The following SUCO variants were observed in gnomAD, a reference collection of about 807,000 sequenced individuals.
SUCO encodes the protein SUN domain containing ossification factor, also known as SUN domain-containing ossification factor.
SUCO carries 57 observed loss-of-function variants against 148.1 expected under a neutral mutation model. The ratio of observed to expected loss-of-function variants is 0.38; its 90% CI spans 0.31 to 0.48. The LOEUF (loss-of-function observed/expected upper bound fraction) is 0.48. Ranked by LOEUF, SUCO falls within the 20% of genes least tolerant of loss-of-function variation. SUCO has a pLI of 0.96. For missense variants in SUCO, 1,331 were observed against 1,468.2 expected (o/e 0.91, Z 1.53); for synonymous variants, 470 against 502.7 (o/e 0.93, Z 0.87).
At chr1:172,542,788 C>T (rs1003254004) in intron 1 of SUCO, 2 of 985,206 alleles carry the variant, frequency 2.0e-6, no homozygotes, top group Non-Finnish European at 2.4e-6. Flanking sequence ...AGGTGCCAAG[C>T]ATAGTAAAGC....
chr1:172,568,851 CT>C (rs1654743530), intron 6 of SUCO, among the ~76,000 whole-genome samples, 167 bp from the exon 7 acceptor site: 1 of 152,066 alleles, frequency 6.6e-6, no homozygotes, highest in Admixed American at 6.5e-5. Context: ...AGAAATTCAA[CT>C]TTTAAGTAAA....
intron 6 of SUCO, among the ~76,000 whole-genome samples, chr1:172,565,621 T>C (rs1654495280): frequency 6.6e-6 from 1 of 152,174 alleles, no homozygotes; most frequent in African/African-American, 2.4e-5. Flanking sequence ...CATGACTGAG[T>C]TGAGGTCACA....
intron 4 of SUCO, chr1:172,556,492 T>A (rs1056086310): frequency 2.1e-6 from 1 of 479,172 alleles, no homozygotes; most frequent in African/African-American, 2.1e-5. Context: ...TTAGAAAATT[T>A]GTTATGTACT....
intron 15 of SUCO, 59 bp downstream of exon 15, chr1:172,579,326 AC>A (rs1273960418): frequency 6.6e-6 from 7 of 1,066,674 alleles, no homozygotes; most frequent in Non-Finnish European, 8.6e-6. Flanking sequence ...ACACACACAG[AC>A]ATTTTGTCAT....
intron 6 of SUCO, among the ~76,000 whole-genome samples, chr1:172,558,347 T>A (rs1653894152): frequency 6.6e-6 from 1 of 152,224 alleles, no homozygotes; most frequent in Non-Finnish European, 1.5e-5. Context: ...CTACCTTGAC[T>A]TCATGCACTG....
intron 1 of SUCO, among the ~76,000 whole-genome samples, chr1:172,539,122 TCAA>T (rs1652248150): frequency 6.6e-6 from 1 of 152,182 alleles, no homozygotes; most frequent in East Asian, 1.9e-4. Context: ...TTCACTTTTC[TCAA>T]CAGTCTGAAT....
intron 1 of SUCO, chr1:172,542,658 C>G: frequency 1.2e-6 from 1 of 856,064 alleles, no homozygotes; most frequent in Non-Finnish European, 1.4e-6. Flanking sequence ...CCCCCCACCC[C>G]ATCCATGGCA....
chr1:172,557,477 T>C, intron 5 of SUCO, 60 bp downstream of exon 5: 1 of 1,596,910 alleles, frequency 6.3e-7, no homozygotes, highest in African/African-American at 1.3e-5. Flanking sequence ...GTGTCCTGTT[T>C]GAATGGACTT....
At chr1:172,533,050 G>T (rs1571159319), upstream of SUCO, 47 of 1,431,280 alleles carry the variant, frequency 3.3e-5, no homozygotes, top group South Asian at 6.9e-4. Flanking sequence ...GGTGTGTGAG[G>T]TGTCGCGGCC....
chr1:172,566,008 A>C (rs1175329321), intron 6 of SUCO, among the ~76,000 whole-genome samples: 2 of 152,200 alleles, frequency 1.3e-5, no homozygotes, highest in African/African-American at 2.4e-5. Context: ...AGGTTCCCTC[A>C]TCTAGAGTGG....
At chr1:172,547,441 A>T (rs952357686) in intron 1 of SUCO, among the ~76,000 whole-genome samples, 5 of 152,208 alleles carry the variant, frequency 3.3e-5, no homozygotes, top group Non-Finnish European at 7.3e-5. Flanking sequence ...CGGATATTAT[A>T]TGCTTTTCGA....
chr1:172,599,228 C>T (rs1232341806), intron 19 of SUCO, among the ~76,000 whole-genome samples: 1 of 152,128 alleles, frequency 6.6e-6, no homozygotes. Context: ...ACTCGGGAGG[C>T]TGAGGCAGGA....
intron 1 of SUCO, among the ~76,000 whole-genome samples, chr1:172,537,396 A>G (rs1010252622): frequency 1.3e-5 from 2 of 152,160 alleles, no homozygotes; most frequent in Non-Finnish European, 2.9e-5. Flanking sequence ...ATAGAAGAGG[A>G]ATAGCTTCAA....
chr1:172,533,102 G>A, upstream of SUCO: 1 of 1,429,154 alleles, frequency 7.0e-7, no homozygotes. Context: ...CGCGGCGGCC[G>A]TTGGTCGCTG....
intron 1 of SUCO, among the ~76,000 whole-genome samples, chr1:172,538,306 C>T: frequency 6.6e-6 from 1 of 151,936 alleles, no homozygotes; most frequent in East Asian, 1.9e-4. Context: ...TATGTCAGAC[C>T]AGTTTTTATC....
chr1:172,584,278 A>G, intron 15 of SUCO: 2 of 370,536 alleles, frequency 5.4e-6, no homozygotes, highest in Non-Finnish European at 7.5e-6. Flanking sequence ...ATGTAGGAAA[A>G]GCATTTGCTT....
At chr1:172,591,500 A>T (rs892178332) in intron 19 of SUCO, among the ~76,000 whole-genome samples, 2 of 136,556 alleles carry the variant, frequency 1.5e-5, no homozygotes, top group African/African-American at 5.5e-5. Flanking sequence ...TCATTGTTCA[A>T]TTCCCACCTA....
chr1:172,549,279 A>AT (rs1401147618), intron 1 of SUCO, among the ~76,000 whole-genome samples: 1 of 151,850 alleles, frequency 6.6e-6, no homozygotes, highest in Non-Finnish European at 1.5e-5. Flanking sequence ...AAAACAATTC[A>AT]TTTGAAAGTG....
At chr1:172,582,848 T>C (rs147909765) in intron 15 of SUCO, among the ~76,000 whole-genome samples, 163 of 152,256 alleles carry the variant, frequency 1.1e-3, no homozygotes, top group African/African-American at 3.7e-3. Flanking sequence ...TGATAATAAA[T>C]AATATTTTAA....
Sources: gnomAD v4.1 joint callset for allele counts (sites outside exome capture counted in the v4.1 genomes callset) on GRCh38, gnomAD v4.1.1 for gene constraint, MANE v1.5 for transcripts, NCBI Gene and HGNC (gene_info 2026-07-23, HGNC 2026-07-21) for gene names.